The following SIPA1L1 variants were observed in gnomAD, a reference collection of about 807,000 sequenced individuals.
SIPA1L1 encodes the protein signal induced proliferation associated 1 like 1.
A neutral mutation model predicts 162.7 loss-of-function variants in SIPA1L1; 26 were observed. That is an observed-to-expected ratio of 0.16 (90% CI 0.12 to 0.22). SIPA1L1 has a LOEUF of 0.22. Among genes scored for constraint, SIPA1L1 ranks in the 10% least tolerant of loss-of-function variants. SIPA1L1 has a pLI of 1.00. For missense variants in SIPA1L1, 1,874 were observed against 2,241.0 expected, an observed-to-expected ratio of 0.84 and a Z score of 3.31; for synonymous variants, 829 against 837.4, an observed-to-expected ratio of 0.99 and a Z score of 0.17.
At chr14:71,658,579 A>G in intron 9 of SIPA1L1, 143 bp downstream of exon 9, 1 of 657,160 alleles carries the variant, frequency 1.5e-6, no homozygotes, top group South Asian at 1.8e-5. Context: ...TGTGGAAGTA[A>G]GGAATAGCAA....
chr14:71,714,343 C>G, intron 17 of SIPA1L1, among the ~76,000 whole-genome samples: 1 of 152,180 alleles, frequency 6.6e-6, no homozygotes, highest in East Asian at 1.9e-4. Flanking sequence ...TGATGCAGAT[C>G]TCACCAACAA....
intron 5 of SIPA1L1, among the ~76,000 whole-genome samples, chr14:71,590,037 AAAAAAAAATATATATATAT>A (rs1418547804): frequency 3.1e-4 from 23 of 73,632 alleles, no homozygotes; most frequent in South Asian, 1.3e-3. Context: ...AAAAAAAAAA[AAAAAAAAATATATATATAT>A]ATATATATAT....
At chr14:71,658,467 A>G (rs761488447) in intron 9 of SIPA1L1, 31 bp downstream of exon 9, 2 of 1,368,140 alleles carry the variant, frequency 1.5e-6, no homozygotes, top group Admixed American at 3.4e-5. Flanking sequence ...CTGTGTTTTC[A>G]CCCTTGTTTC....
chr14:71,620,272 T>C (rs2039290387), intron 6 of SIPA1L1, among the ~76,000 whole-genome samples: 2 of 152,306 alleles, frequency 1.3e-5, no homozygotes, highest in South Asian at 2.1e-4. Flanking sequence ...TTTCTCCATG[T>C]TGGTCTGGCT....
intron 5 of SIPA1L1, among the ~76,000 whole-genome samples, chr14:71,594,785 A>G (rs1252721722): frequency 1.3e-5 from 2 of 152,222 alleles, no homozygotes; most frequent in South Asian, 2.1e-4. Context: ...TATATAATCT[A>G]TGTAATTCAT....
At chr14:71,501,653 G>T (rs945452806) in intron 2 of SIPA1L1, among the ~76,000 whole-genome samples, 1 of 152,098 alleles carries the variant, frequency 6.6e-6, no homozygotes, top group African/African-American at 2.4e-5. Flanking sequence ...ACAGTGGTCG[G>T]TTCAGTTTCT....
chr14:71,579,103 T>C (rs2033547360), intron 4 of SIPA1L1, among the ~76,000 whole-genome samples: 1 of 152,226 alleles, frequency 6.6e-6, no homozygotes, highest in Admixed American at 6.5e-5. Context: ...GATTGAATAT[T>C]ACGTCTTTAC....
intron 7 of SIPA1L1, among the ~76,000 whole-genome samples, chr14:71,630,781 C>T (rs1030584547): frequency 2.0e-5 from 3 of 151,968 alleles, no homozygotes; most frequent in African/African-American, 7.3e-5. Flanking sequence ...ATTTCTGTTT[C>T]ATTATGCAGT....
intron 16 of SIPA1L1, among the ~76,000 whole-genome samples, chr14:71,708,018 T>G (rs1371263807): frequency 5.2e-5 from 7 of 133,800 alleles, no homozygotes; most frequent in African/African-American, 2.1e-4. Flanking sequence ...TTTTGGTGTT[T>G]TTTTTTTTTT....
chr14:71,469,498 A>G (rs1191822382), intron 2 of SIPA1L1, among the ~76,000 whole-genome samples: 1 of 152,234 alleles, frequency 6.6e-6, no homozygotes, highest in African/African-American at 2.4e-5. Context: ...CAAAAAATAA[A>G]AAAAAATCAA....
intron 4 of SIPA1L1, among the ~76,000 whole-genome samples, chr14:71,584,899 G>A (rs749711085): frequency 2.0e-5 from 3 of 152,168 alleles, no homozygotes; most frequent in African/African-American, 7.2e-5. Flanking sequence ...ACTTAGGCAG[G>A]TTTGCTGATA....
intron 15 of SIPA1L1, among the ~76,000 whole-genome samples, chr14:71,704,554 G>A (rs574899304): frequency 7.9e-5 from 12 of 152,190 alleles, no homozygotes; most frequent in Non-Finnish European, 1.5e-4. Context: ...GTTAGGAAGG[G>A]TGTTTCAGAG....
intron 7 of SIPA1L1, among the ~76,000 whole-genome samples, chr14:71,627,611 G>C (rs370354951): frequency 6.6e-6 from 1 of 152,110 alleles, no homozygotes; most frequent in South Asian, 2.1e-4. Context: ...TACAGTTGGG[G>C]GCATCTCATG....
intron 13 of SIPA1L1, among the ~76,000 whole-genome samples, chr14:71,695,033 A>G (rs958568248): frequency 3.3e-5 from 5 of 152,228 alleles, no homozygotes; most frequent in African/African-American, 1.2e-4. Context: ...CCATCTTCCA[A>G]TAACGATCAG....
At chr14:71,405,754 CT>C in intron 2 of SIPA1L1, among the ~76,000 whole-genome samples, 1 of 152,288 alleles carries the variant, frequency 6.6e-6, no homozygotes, top group East Asian at 1.9e-4. Flanking sequence ...ACTGCTACTG[CT>C]GTAATGATGT....
At chr14:71,531,838 AT>A (rs1489754454) in intron 4 of SIPA1L1, among the ~76,000 whole-genome samples, 1 of 152,148 alleles carries the variant, frequency 6.6e-6, no homozygotes, top group Admixed American at 6.5e-5. Context: ...TAAATTTTGC[AT>A]TCAAAAAACT....
At chr14:71,732,650 T>C (rs1352028021) in intron 20 of SIPA1L1, among the ~76,000 whole-genome samples, 1 of 152,244 alleles carries the variant, frequency 6.6e-6, no homozygotes, top group African/African-American at 2.4e-5. Context: ...AGGAAGAGCT[T>C]GGGATGTTAG....
At chr14:71,410,036 T>C (rs1457260068) in intron 2 of SIPA1L1, among the ~76,000 whole-genome samples, 1 of 152,224 alleles carries the variant, frequency 6.6e-6, no homozygotes, top group Non-Finnish European at 1.5e-5. Flanking sequence ...ATCATCACAT[T>C]AATACATTCT....
chr14:71,671,662 G>A lies in SIPA1L1; in HGVS notation c.2799G>A (p.Glu933=), dbSNP rs368449221. Residue 933 remains glutamate, a synonymous_variant, in exon 11 of 24, where the codon GAG becomes GAA. Coordinates refer to ENST00000381232, the MANE Select transcript of SIPA1L1 (RefSeq NM_001386936.1). ...CAGTGGGTAGTTTTATTAACATTGA[G>A]GAGATCAAAGAGATTGTCAAAAGGT... ...CVSVGSFINI[E]EIKEIVKRLQ... is the part of the protein sequence containing the mutation. 21 of 1,607,338 alleles carry A rather than the reference G, an allele frequency of 1.3e-5. No homozygotes were observed. Among genetic ancestry groups the A allele is most frequent in the Non-Finnish European group, 1.7e-5 (20 of 1,177,360 alleles).
Sources: gnomAD v4.1 joint callset for allele counts (sites outside exome capture counted in the v4.1 genomes callset) on GRCh38, gnomAD v4.1.1 for gene constraint, MANE v1.5 for transcripts, NCBI Gene and HGNC (gene_info 2026-07-23, HGNC 2026-07-21) for gene names.